Variants in STK32C observed in about 807,000 individuals in gnomAD.
STK32C encodes serine/threonine-protein kinase 32C.
In STK32C, 31 loss-of-function variants were observed where a neutral mutation model predicts 56.5. That is an observed-to-expected ratio of 0.55 (90% CI 0.41 to 0.74). The LOEUF (loss-of-function observed/expected upper bound fraction) is 0.74. STK32C is among the 30% of genes least tolerant of loss of function. The pLI, the probability that STK32C is intolerant of heterozygous loss-of-function variation, is 0.00. For synonymous variants in STK32C, 309 were observed against 289.4 expected, an observed-to-expected ratio of 1.07 and a Z score of -0.69; for missense variants, 544 against 676.9, an observed-to-expected ratio of 0.80 and a Z score of 2.18.
intron 1 of STK32C, among the ~76,000 whole-genome samples, chr10:132,259,185 AGCCCTGGGGCAGGTGGGAAAATGG>A (rs1331326770): frequency 6.6e-6 from 1 of 152,228 alleles, no homozygotes; most frequent in African/African-American, 2.4e-5. Flanking sequence ...CCAGCCTCCA[AGCCCTGGGGCAGGTGGGAAAATGG>A]GCCCTGCAGG....
intron 1 of STK32C, among the ~76,000 whole-genome samples, chr10:132,287,626 G>A (rs2065446539): frequency 6.6e-6 from 1 of 151,460 alleles, no homozygotes; most frequent in East Asian, 2.0e-4. Flanking sequence ...TAATTTTTGT[G>A]ATTTTTAGTA....
chr10:132,208,426 G>C (rs1233744266), intron 11 of STK32C, among the ~76,000 whole-genome samples: 1 of 152,216 alleles, frequency 6.6e-6, no homozygotes, highest in African/African-American at 2.4e-5. Context: ...AGTGACTTGG[G>C]AATGAGGCTC....
intron 2 of STK32C, among the ~76,000 whole-genome samples, chr10:132,236,298 C>T (rs1006745876): frequency 6.6e-5 from 10 of 152,330 alleles, no homozygotes; most frequent in Non-Finnish European, 1.0e-4. Context: ...CCGACTGCCC[C>T]GGAAATGGCC....
At chr10:132,210,987 C>CA (rs1212123628) in intron 10 of STK32C, among the ~76,000 whole-genome samples, 1 of 152,192 alleles carries the variant, frequency 6.6e-6, no homozygotes, top group African/African-American at 2.4e-5. Flanking sequence ...AGCACCTTGC[C>CA]AAGGACTCGA....
At chr10:132,295,229 C>T (rs1369704087) in intron 1 of STK32C, among the ~76,000 whole-genome samples, 1 of 152,194 alleles carries the variant, frequency 6.6e-6, no homozygotes, top group East Asian at 1.9e-4. Flanking sequence ...GCAAGGAGCA[C>T]AATGGGACCC....
intron 1 of STK32C, among the ~76,000 whole-genome samples, chr10:132,282,810 C>T (rs757115993): frequency 1.3e-5 from 2 of 152,266 alleles, no homozygotes; most frequent in Non-Finnish European, 2.9e-5. Flanking sequence ...GTGACTGCTG[C>T]ACCCTATTAG....
intron 1 of STK32C, among the ~76,000 whole-genome samples, chr10:132,283,233 A>G (rs2065270449): frequency 6.6e-6 from 1 of 152,260 alleles, no homozygotes; most frequent in African/African-American, 2.4e-5. Flanking sequence ...AAGACACCCC[A>G]GCAAAACGTT....
intron 1 of STK32C, among the ~76,000 whole-genome samples, chr10:132,253,218 T>C (rs1239399242): frequency 6.6e-6 from 1 of 152,186 alleles, no homozygotes; most frequent in Non-Finnish European, 1.5e-5. Flanking sequence ...TCCAACGCAA[T>C]TGTTTCTGGT....
At chr10:132,266,708 T>G (rs2064544574) in intron 1 of STK32C, among the ~76,000 whole-genome samples, 1 of 139,502 alleles carries the variant, frequency 7.2e-6, no homozygotes, top group Non-Finnish European at 1.6e-5. Context: ...CGGGCGTGGG[T>G]GGGGGAGGCG....
intron 1 of STK32C, among the ~76,000 whole-genome samples, chr10:132,286,573 C>A (rs903285348): frequency 6.6e-6 from 1 of 152,074 alleles, no homozygotes; most frequent in East Asian, 1.9e-4. Context: ...AAAAACAAAT[C>A]TAGAAATGAA....
upstream of STK32C, among the ~76,000 whole-genome samples, chr10:132,311,338 T>C (rs2066216570): frequency 1.3e-5 from 2 of 152,202 alleles, no homozygotes; most frequent in African/African-American, 2.4e-5. This position sits in a 1 kb window ranked among gnomAD's most constrained non-coding sequence, Gnocchi z 4.4. Context: ...TGGGCTCCCA[T>C]GGGACTCCGA....
intron 10 of STK32C, among the ~76,000 whole-genome samples, chr10:132,213,647 A>G (rs1476542936): frequency 1.3e-5 from 2 of 152,236 alleles, no homozygotes; most frequent in African/African-American, 4.8e-5. Flanking sequence ...AAAAAAATAG[A>G]GTGTGAAGAG....
intron 1 of STK32C, among the ~76,000 whole-genome samples, chr10:132,328,577 C>G (rs1370638064): frequency 6.6e-6 from 1 of 152,172 alleles, no homozygotes; most frequent in East Asian, 1.9e-4. Context: ...CGGGAAAGGG[C>G]TATTACCCAT....
chr10:132,214,525 G>A (rs1476379328), intron 10 of STK32C, among the ~76,000 whole-genome samples: 1 of 152,176 alleles, frequency 6.6e-6, no homozygotes, highest in Non-Finnish European at 1.5e-5. Flanking sequence ...AGTTCCTCAG[G>A]GGAAAGGAAA....
At chr10:132,249,102 G>C (rs372805964) in intron 1 of STK32C, 8 of 473,080 alleles carry the variant, frequency 1.7e-5, no homozygotes, top group South Asian at 1.2e-4. Context: ...GCAGCAGCAA[G>C]GCGCATGCGT....
At position 132,240,071 on chromosome 10, in the gene STK32C, G is replaced by GC. The variant is rs578226676; in HGVS notation, c.318+5828dup. ...ATCCTGGTGGCCTGGAGAGCACGAG[G>GC]CCCCCCCCAAAGAAGACCCCCAGGG... On this transcript the variant is annotated intron_variant, in intron 2 of 11. Transcript: ENST00000298630. 1.2e-3 allele frequency among the ~76,000 whole-genome samples: 181 copies of GC among 151,926 alleles called. 1 individual carries two copies. The highest frequency in any genetic ancestry group is 5.4e-3 in the South Asian group (26 of 4,796).
intron 1 of STK32C, among the ~76,000 whole-genome samples, chr10:132,277,788 T>C (rs1213214873): frequency 6.6e-6 from 1 of 152,052 alleles, no homozygotes; most frequent in Non-Finnish European, 1.5e-5. Flanking sequence ...CACATGCTCC[T>C]TTCCAAACCT....
intron 2 of STK32C, among the ~76,000 whole-genome samples, chr10:132,241,709 C>T (rs12411509): frequency 0.24 from 36,396 of 152,132 alleles, 5,258 homozygotes; most frequent in East Asian, 0.45. Context: ...CACTGGTCAG[C>T]GAACCCTTCA....
At chr10:132,261,350 G>C (rs1355121078) in intron 1 of STK32C, among the ~76,000 whole-genome samples, 1 of 152,174 alleles carries the variant, frequency 6.6e-6, no homozygotes, top group African/African-American at 2.4e-5. Flanking sequence ...CATTCAAGCT[G>C]AGAACCAAAT....
Sources: allele counts gnomAD v4.1 joint callset (sites outside exome capture counted in the v4.1 genomes callset), GRCh38; gene constraint gnomAD v4.1.1; non-coding constraint Gnocchi (gnomAD v3.1); transcripts MANE v1.5; gene names NCBI Gene and HGNC (gene_info 2026-07-23, HGNC 2026-07-21).